EML1: variants seen among roughly 807,000 people sequenced by gnomAD.
EML1 encodes the protein EMAP like 1, also known as echinoderm microtubule-associated protein-like 1.
A neutral mutation model predicts 110.4 loss-of-function variants in EML1; 27 were observed. The observed-to-expected ratio is 0.24, with a 90% CI of 0.18 to 0.34. EML1 has a LOEUF of 0.34. Among genes scored for constraint, EML1 ranks in the 10% least tolerant of loss-of-function variants. EML1 has a pLI of 1.00. For missense variants in EML1, 741 were observed against 1,030.9 expected (o/e 0.72, Z 3.85); for synonymous variants, 344 against 385.8 (o/e 0.89, Z 1.27).
At chr14:99,872,219 C>T (rs549003622) in intron 3 of EML1, among the ~76,000 whole-genome samples, 95 of 152,270 alleles carry the variant, frequency 6.2e-4, no homozygotes, top group Non-Finnish European at 1.2e-3. Context: ...AGGCCTGGGT[C>T]TTACACCCCC....
At chr14:99,802,755 A>T (rs1250577368) in intron 1 of EML1, among the ~76,000 whole-genome samples, 1 of 152,036 alleles carries the variant, frequency 6.6e-6, no homozygotes, top group Non-Finnish European at 1.5e-5. Context: ...GGAGCCCGGG[A>T]GATGGCTGGG....
intron 1 of EML1, among the ~76,000 whole-genome samples, chr14:99,848,715 C>G (rs749319830): frequency 9.2e-5 from 14 of 152,050 alleles, no homozygotes; most frequent in Non-Finnish European, 1.5e-5. Context: ...CCTGTAATCC[C>G]AGCACTTTGG....
upstream of EML1, among the ~76,000 whole-genome samples, chr14:99,790,841 G>A (rs978106087): frequency 7.5e-6 from 1 of 133,962 alleles, no homozygotes; most frequent in African/African-American, 2.9e-5. Context: ...TCCTTTCCCT[G>A]CCAAAGTTTT....
chr14:99,748,587 G>A (rs1307889420), intron 1 of EML1, among the ~76,000 whole-genome samples: 1 of 152,110 alleles, frequency 6.6e-6, no homozygotes, highest in East Asian at 1.9e-4. Flanking sequence ...TGTGCAACAA[G>A]TTCAAGGCTG....
At chr14:99,770,373 T>TTATTTCTA (rs1555388110), upstream of EML1, among the ~76,000 whole-genome samples, 1 of 82,380 alleles carries the variant, frequency 1.2e-5, no homozygotes, top group African/African-American at 5.8e-5. Context: ...TTTAAAAAAT[T>TTATTTCTA]TCTTTCTATC....
At chr14:99,892,750 A>T (rs1417987189) in intron 5 of EML1, among the ~76,000 whole-genome samples, 1 of 152,236 alleles carries the variant, frequency 6.6e-6, no homozygotes, top group African/African-American at 2.4e-5. Flanking sequence ...TACCTGTGAT[A>T]GACTCATGTG....
At chr14:99,879,816 G>A (rs2059355979) in intron 4 of EML1, among the ~76,000 whole-genome samples, 1 of 152,168 alleles carries the variant, frequency 6.6e-6, no homozygotes, top group South Asian at 2.1e-4. Context: ...GTGCAACGTA[G>A]CCCAAAGCTT....
In EML1 at chr14:99,916,950, A is replaced by G. The variant is rs544486907; in HGVS notation, c.1753-832A>G. 4.6e-5 allele frequency among the ~76,000 whole-genome samples: 7 copies of G among 152,122 alleles called. No individual in the cohort carries two copies. In the South Asian group the frequency reaches 1.5e-3, roughly 32 times the overall value. On this transcript the variant is annotated intron_variant, in intron 15 of 21. Transcript: ENST00000262233. Reference sequence around the variant, plus strand: ...TCTTTCATGGATCATTCCATCTTGTATCCGAGTTAGTGATGACTGTGTGTG... The same window carrying G: ...TCTTTCATGGATCATTCCATCTTGTGTCCGAGTTAGTGATGACTGTGTGTG...
intron 3 of EML1, among the ~76,000 whole-genome samples, chr14:99,870,474 AAAC>A (rs1426544106): frequency 6.6e-6 from 1 of 152,252 alleles, no homozygotes; most frequent in East Asian, 1.9e-4. Context: ...CAGCTACACT[AAAC>A]AACACATTTT....
At position 99,932,366 on chromosome 14, in the gene EML1, G is replaced by A. The variant is rs150753119; in HGVS notation, c.1910-3663G>A. On this transcript the variant is annotated intron_variant, in intron 17 of 21. Transcript: ENST00000262233. ...AAAAACAGATATGGGGGCCGGGCGC[G>A]GTGGCTCACATCTGTAATCCCAGCA... Among the ~76,000 whole-genome samples, 702 of 152,164 alleles carry A rather than the reference G, an allele frequency of 4.6e-3. 5 individuals are homozygous for A. The highest frequency in any genetic ancestry group is 0.016 in the African/African-American group (666 of 41,524).
chr14:99,801,614 C>CAA (rs59910012), intron 1 of EML1, among the ~76,000 whole-genome samples: 1 of 130,702 alleles, frequency 7.7e-6, no homozygotes, highest in Non-Finnish European at 1.7e-5. Context: ...GACTCCGTCT[C>CAA]AAAAAAAAAA....
At position 99,939,344 on chromosome 14, in the gene EML1, T is replaced by C. The variant is rs2060535731; in HGVS notation, c.2322+17T>C. ...CAGTTCAGGGTAAAGGACTTGTTTC[T>C]TCACTAATCTTATCCCCCATGGGGC... On this transcript the variant is annotated intron_variant, in intron 21 of 21. Transcript: ENST00000262233. This position sits in a 1 kb window ranked among gnomAD's most constrained non-coding sequence, Gnocchi z 4.2. 1.2e-6 allele frequency: 2 copies of C among 1,613,896 alleles called. No homozygotes were observed. Among genetic ancestry groups the C allele is most frequent in the African/African-American group, 1.3e-5 (1 of 74,932 alleles).
intron 1 of EML1, among the ~76,000 whole-genome samples, chr14:99,757,664 C>T (rs1318364785): frequency 6.6e-6 from 1 of 152,188 alleles, no homozygotes; most frequent in Non-Finnish European, 1.5e-5. Flanking sequence ...TTAAATGAAT[C>T]ACTGTCTTGG....
chr14:99,750,441 G>A (rs964224222), intron 1 of EML1, among the ~76,000 whole-genome samples: 3 of 152,158 alleles, frequency 2.0e-5, no homozygotes, highest in African/African-American at 7.2e-5. Context: ...AGGGAGGGGA[G>A]CATGACTGAG....
intron 1 of EML1, among the ~76,000 whole-genome samples, chr14:99,746,897 G>C (rs913146326): frequency 2.0e-5 from 3 of 152,156 alleles, no homozygotes; most frequent in Non-Finnish European, 4.4e-5. Context: ...GGGTGCTCTG[G>C]TTTGTTGAGC....
chr14:99,935,905 C>T (rs2060462073), intron 17 of EML1, 124 bp from the exon 18 acceptor site: 1 of 889,398 alleles, frequency 1.1e-6, no homozygotes, highest in Non-Finnish European at 1.7e-6. Context: ...AGATTTTTCT[C>T]TTGGAAATAA....
intron 15 of EML1, among the ~76,000 whole-genome samples, chr14:99,915,872 C>G (rs1418197755): frequency 3.3e-5 from 5 of 152,188 alleles, no homozygotes; most frequent in Non-Finnish European, 5.9e-5. Flanking sequence ...CATAGAGTTA[C>G]TGGCATGTCC....
chr14:99,919,060 C>T (rs1028621012), intron 16 of EML1, among the ~76,000 whole-genome samples: 3 of 152,194 alleles, frequency 2.0e-5, no homozygotes, highest in Non-Finnish European at 2.9e-5. Flanking sequence ...TATTCCCTGC[C>T]TGGCTGTGTT....
intron 1 of EML1, among the ~76,000 whole-genome samples, chr14:99,794,864 T>G (rs1036479549): frequency 2.0e-5 from 3 of 152,230 alleles, no homozygotes; most frequent in African/African-American, 7.2e-5. Flanking sequence ...CCTGGAATAC[T>G]TTATAGTATA....
Sources: gnomAD v4.1 joint callset for allele counts (sites outside exome capture counted in the v4.1 genomes callset) on GRCh38, gnomAD v4.1.1 for gene constraint, Gnocchi (gnomAD v3.1) non-coding constraint, MANE v1.5 for transcripts, NCBI Gene and HGNC (gene_info 2026-07-23, HGNC 2026-07-21) for gene names.